SMG6: variants seen among roughly 807,000 people sequenced by gnomAD.
SMG6 encodes the protein SMG6 nonsense mediated mRNA decay factor.
In SMG6, 66 loss-of-function variants were observed where a neutral mutation model predicts 142.2. That is an observed-to-expected ratio of 0.46 (90% CI 0.38 to 0.57). The LOEUF (loss-of-function observed/expected upper bound fraction) is 0.57. Ranked by LOEUF, SMG6 falls within the 20% of genes least tolerant of loss-of-function variation. SMG6 has a pLI of 0.00. For missense variants in SMG6, 1,793 were observed against 1,832.0 expected (o/e 0.98, Z 0.39); for synonymous variants, 779 against 702.4 (o/e 1.11, Z -1.72).
intron 8 of SMG6, among the ~76,000 whole-genome samples, chr17:2,270,769 T>C (rs764243315): frequency 6.6e-6 from 1 of 152,234 alleles, no homozygotes; most frequent in Non-Finnish European, 1.5e-5. Context: ...GGTCATCAAC[T>C]TTCCATGCCC....
intron 13 of SMG6, among the ~76,000 whole-genome samples, chr17:2,165,687 A>C (rs1221418587): frequency 6.6e-6 from 1 of 152,194 alleles, no homozygotes; most frequent in Non-Finnish European, 1.5e-5. Flanking sequence ...GGATCACTTG[A>C]GCTCAGGAGT....
intron 18 of SMG6, chr17:2,061,918 G>A: frequency 3.0e-6 from 1 of 338,874 alleles, no homozygotes; most frequent in South Asian, 3.2e-5. Context: ...CTAAACTGAG[G>A]GAATAGAAGC....
chr17:2,230,808 CCTTTGAATCTACTTCTA>C (rs1219464915), intron 10 of SMG6, among the ~76,000 whole-genome samples: 1 of 152,186 alleles, frequency 6.6e-6, no homozygotes, highest in African/African-American at 2.4e-5. Flanking sequence ...CCTATTCTGA[CCTTTGAATCTACTTCTA>C]CTTTGAATCT....
chr17:2,083,959 G>A (rs1464558155), intron 14 of SMG6, among the ~76,000 whole-genome samples: 4 of 152,248 alleles, frequency 2.6e-5, no homozygotes, highest in African/African-American at 9.6e-5. Flanking sequence ...GCAGCCTGGT[G>A]TGGGTCACAA....
intron 13 of SMG6, among the ~76,000 whole-genome samples, chr17:2,170,341 C>T (rs1018935444): frequency 3.3e-5 from 5 of 152,212 alleles, no homozygotes; most frequent in East Asian, 1.9e-4. Flanking sequence ...GAAGATGGGG[C>T]GTAGGAAGAG....
intron 13 of SMG6, among the ~76,000 whole-genome samples, chr17:2,106,615 C>T (rs1237651955): frequency 6.6e-6 from 1 of 151,966 alleles, no homozygotes; most frequent in African/African-American, 2.4e-5. Flanking sequence ...GTCACAAGGG[C>T]AAAATTAACC....
At chr17:2,272,442 TCATTGTTCATGGATTTTG>T (rs1344523148) in intron 8 of SMG6, among the ~76,000 whole-genome samples, 1 of 152,148 alleles carries the variant, frequency 6.6e-6, no homozygotes, top group African/African-American at 2.4e-5. Context: ...CAATCAACCT[TCATTGTTCATGGATTTTG>T]CATTGTGAAT....
At chr17:2,207,787 G>A (rs1360854332) in intron 10 of SMG6, among the ~76,000 whole-genome samples, 1 of 152,134 alleles carries the variant, frequency 6.6e-6, no homozygotes, top group Non-Finnish European at 1.5e-5. Flanking sequence ...CTGGTAGCGA[G>A]AACAAAGCTC....
intron 10 of SMG6, among the ~76,000 whole-genome samples, chr17:2,199,515 T>C (rs2072444783): frequency 6.6e-6 from 1 of 151,470 alleles, no homozygotes; most frequent in Non-Finnish European, 1.5e-5. Context: ...CACTCCAGCC[T>C]GGGTGACAGA....
chr17:2,207,835 A>G (rs1198510784), intron 10 of SMG6, among the ~76,000 whole-genome samples: 1 of 152,236 alleles, frequency 6.6e-6, no homozygotes, highest in Non-Finnish European at 1.5e-5. Context: ...CCAAACAGAC[A>G]GTTTTTAAAG....
chr17:2,120,368 G>A (rs2069648825), intron 13 of SMG6, among the ~76,000 whole-genome samples: 1 of 152,162 alleles, frequency 6.6e-6, no homozygotes, highest in South Asian at 2.1e-4. Flanking sequence ...CAAGAAAATG[G>A]GAGGAAGATG....
At chr17:2,081,999 G>T in intron 14 of SMG6, 43 bp from the exon 15 acceptor site, 1 of 1,610,428 alleles carries the variant, frequency 6.2e-7, no homozygotes. Context: ...GAGACAGTTA[G>T]CTGGGCCCAT....
intron 12 of SMG6, among the ~76,000 whole-genome samples, chr17:2,178,125 G>A (rs9910413): frequency 0.36 from 54,162 of 152,096 alleles, 10,339 homozygotes; most frequent in African/African-American, 0.5. Context: ...AAGCCAAGAT[G>A]TCATGCCAAC....
intron 15 of SMG6, among the ~76,000 whole-genome samples, chr17:2,074,019 C>T (rs903327257): frequency 3.3e-5 from 5 of 152,078 alleles, no homozygotes; most frequent in African/African-American, 1.2e-4. Context: ...GCAGCGGTTA[C>T]AGTGAGCCGA....
intron 13 of SMG6, among the ~76,000 whole-genome samples, chr17:2,090,102 G>C (rs539249647): frequency 2.7e-5 from 4 of 147,432 alleles, no homozygotes; most frequent in Admixed American, 7.0e-5. Context: ...AGAATCGCTT[G>C]AATCTGGGAG....
At chr17:2,294,877 C>T (rs2075112802) in intron 4 of SMG6, among the ~76,000 whole-genome samples, 1 of 108,444 alleles carries the variant, frequency 9.2e-6, no homozygotes, top group African/African-American at 2.8e-5. Flanking sequence ...ACTCAATAAA[C>T]ACTTTTTTTT....
At chr17:2,209,921 A>G (rs2151743481) in intron 10 of SMG6, among the ~76,000 whole-genome samples, 1 of 152,338 alleles carries the variant, frequency 6.6e-6, no homozygotes, top group East Asian at 1.9e-4. Context: ...AGCAATACAC[A>G]GAAAACAGGT....
intron 10 of SMG6, among the ~76,000 whole-genome samples, chr17:2,203,749 A>G (rs149207829): frequency 3.9e-4 from 60 of 152,174 alleles, no homozygotes; most frequent in Admixed American, 3.1e-3. Context: ...GCAAGGAGAG[A>G]TTTGGCTGCT....
At chr17:2,136,995 A>G (rs927295825) in intron 13 of SMG6, among the ~76,000 whole-genome samples, 9 of 152,076 alleles carry the variant, frequency 5.9e-5, no homozygotes, top group African/African-American at 2.2e-4. Flanking sequence ...TCTTCTTTAC[A>G]AAAAAATAAA....
Sources: gnomAD v4.1 joint callset for allele counts (sites outside exome capture counted in the v4.1 genomes callset) on GRCh38, gnomAD v4.1.1 for gene constraint, MANE v1.5 for transcripts, NCBI Gene and HGNC (gene_info 2026-07-23, HGNC 2026-07-21) for gene names.